The following CPSF6 variants were observed in gnomAD, a reference collection of about 807,000 sequenced individuals.
CPSF6 encodes cleavage and polyadenylation specific factor 6, also known as cleavage and polyadenylation specificity factor subunit 6.
Under a neutral mutation model 56.7 loss-of-function variants are expected in CPSF6, and 10 were observed. The observed-to-expected ratio is 0.18, with a 90% CI of 0.11 to 0.30. The LOEUF (loss-of-function observed/expected upper bound fraction) is 0.30, where lower values mean the gene tolerates loss of function less well. Among genes scored for constraint, CPSF6 ranks in the 10% least tolerant of loss-of-function variants. The pLI, the probability that CPSF6 is intolerant of heterozygous loss-of-function variation, is 1.00. For missense variants in CPSF6, 419 were observed against 722.9 expected (o/e 0.58, Z 4.82); for synonymous variants, 248 against 244.8 (o/e 1.01, Z -0.12).
In CPSF6 at chr12:69,258,567, T is replaced by C. The variant is rs781538033; in HGVS notation, c.695-23T>C. The C allele has an allele frequency of 6.5e-7, 1 of 1,528,498 alleles. No homozygotes were observed. 94.7% of individuals were successfully genotyped at this position (1,528,498 alleles called of 1,614,324 possible). ...CTTATTAGTGAAGTGTTTTTTTTTC[T>C]CTCTTTCTCCTTTGTTTTTTAGCTG... On this transcript the variant is annotated intron_variant, in intron 5 of 9. Coordinates refer to ENST00000435070, the MANE Select transcript of CPSF6 (RefSeq NM_007007.3). This position sits in a 1 kb window ranked among gnomAD's most constrained non-coding sequence, Gnocchi z 4.2.
chr12:69,255,235 G>A (rs1009945292), intron 3 of CPSF6: 2 of 152,208 alleles, frequency 1.3e-5, no homozygotes, highest in Non-Finnish European at 1.5e-5. Flanking sequence ...TTATGGCTGA[G>A]TAATATTCCA....
At chr12:69,249,461 C>G (rs1872118976) in intron 1 of CPSF6, among the ~76,000 whole-genome samples, 1 of 151,668 alleles carries the variant, frequency 6.6e-6, no homozygotes. Context: ...GCTAATAGTC[C>G]CTAAAACCAT....
At chr12:69,242,106 C>G (rs1871653651) in intron 1 of CPSF6, among the ~76,000 whole-genome samples, 1 of 151,982 alleles carries the variant, frequency 6.6e-6, no homozygotes, top group Non-Finnish European at 1.5e-5. Flanking sequence ...CTACTAGTTG[C>G]TATAGTAGAC....
rs1031274056 is a variant in CPSF6, at chr12:69,258,522, G to A, written c.695-68G>A. ...TCTATGCGTTTAAAGTATAATCTTGGCATATAAAAGTTAAAATATCTTATT... is the reference window on the plus strand; with the variant it reads ...TCTATGCGTTTAAAGTATAATCTTGACATATAAAAGTTAAAATATCTTATT... On this transcript the variant is annotated intron_variant, in intron 5 of 9. Transcript: ENST00000435070. This position sits in a 1 kb window ranked among gnomAD's most constrained non-coding sequence, Gnocchi z 4.2. The A allele has an allele frequency of 6.8e-6, 10 of 1,466,756 alleles. No homozygotes were observed. The highest frequency in any genetic ancestry group is 4.3e-5 in the African/African-American group (3 of 70,158). 90.9% of individuals were successfully genotyped at this position (1,466,756 alleles called of 1,614,324 possible).
At chr12:69,265,767 T>G (rs1437367050) in intron 9 of CPSF6, among the ~76,000 whole-genome samples, 1 of 151,968 alleles carries the variant, frequency 6.6e-6, no homozygotes, top group Non-Finnish European at 1.5e-5. Context: ...CACGCCCGGC[T>G]AATTTTGTAG....
At chr12:69,259,292 A>G (rs145316906) in intron 6 of CPSF6, 136 bp from the exon 7 acceptor site, 2 of 1,277,180 alleles carry the variant, frequency 1.6e-6, no homozygotes, top group African/African-American at 1.5e-5. Flanking sequence ...GAAAAGTAGC[A>G]TGCTTCAATA....
At chr12:69,255,158 T>C (rs577098347) in intron 3 of CPSF6, 1 of 152,382 alleles carries the variant, frequency 6.6e-6, no homozygotes, top group African/African-American at 2.4e-5. Context: ...CCTATGTGAC[T>C]GGCTTTTTTC....
At position 69,256,702 on chromosome 12, in the gene CPSF6, C is replaced by T; in HGVS notation, c.380C>T (p.Ala127Val). The T allele has an allele frequency of 1.2e-6, 2 of 1,609,436 alleles. No homozygotes were observed. Among genetic ancestry groups the T allele is most frequent in the East Asian group, 2.2e-5 (1 of 44,802 alleles). The change falls in exon 4 of 10, where the codon GCC becomes GTC. Residue 127 changes from alanine to valine, a missense_variant. Transcript: ENST00000435070. The part of the protein sequence containing the change: ...NRANGQSKGF[A>V]LVGVGSEASS... ...ACCCCTTAAACACTTTTTAGGTTTG[C>T]CCTTGTTGGTGTTGGATCTGAAGCA...
intron 1 of CPSF6, among the ~76,000 whole-genome samples, chr12:69,243,963 A>C (rs1871755563): frequency 6.6e-6 from 1 of 152,142 alleles, no homozygotes; most frequent in African/African-American, 2.4e-5. Flanking sequence ...TCTCCAGAGC[A>C]GCTGAGACTA....
rs148531322 is a variant in CPSF6, at chr12:69,261,840, A to G, written c.1470-533A>G. On this transcript the variant is annotated intron_variant, in intron 8 of 9. Coordinates refer to ENST00000435070, the MANE Select transcript of CPSF6 (RefSeq NM_007007.3). Reference sequence around the variant, plus strand: ...ACTATATCTATTCTTGCTACTGGTCATAATTGTTAGCCCTCTCCCATGCCT... The same window carrying G: ...ACTATATCTATTCTTGCTACTGGTCGTAATTGTTAGCCCTCTCCCATGCCT... Among the ~76,000 whole-genome samples the G allele has an allele frequency of 1.4e-3, 216 of 152,314 alleles. 2 individuals carry two copies. Among genetic ancestry groups the G allele is most frequent in the African/African-American group, 4.9e-3 (202 of 41,566 alleles).
Position 69,258,319 on chromosome 12 carries a change from C to T in CPSF6, c.695-271C>T, listed in dbSNP as rs142405551. ...TTTCACTGTAAGAAGTGTGTGTACA[C>T]GGAAAGATGGAAAATATCTCTAGGC... is the stretch of plus-strand genomic sequence containing the variant. On this transcript the variant is annotated intron_variant, in intron 5 of 9. Coordinates refer to ENST00000435070, the MANE Select transcript of CPSF6 (RefSeq NM_007007.3). This position sits in a 1 kb window ranked among gnomAD's most constrained non-coding sequence, Gnocchi z 4.2. 3.4e-5 allele frequency: 20 copies of T among 586,542 alleles called. No individual in the cohort carries two copies. Among genetic ancestry groups the T allele is most frequent in the East Asian group, 5.7e-5 (2 of 34,880 alleles). 36.3% of individuals were successfully genotyped at this position (586,542 alleles called of 1,614,324 possible). A position where few individuals can be genotyped will look rare whatever the true frequency, so the allele number is the denominator to read the frequency against.
At position 69,259,540 on chromosome 12, in the gene CPSF6, G is replaced by A; in HGVS notation, c.1312G>A (p.Ala438Thr). ...AISRAVSDAS[A>T]GDYGSAIETL... ...TTCGAGAGCTGTGTCTGATGCCAGT[G>A]CTGGTTTGTGTATTTCTTGTATTAA... Residue 438 changes from alanine to threonine, a missense_variant, in exon 7 of 10, where the codon GCT becomes ACT. By Grantham distance (58) the Ala-to-Thr change is moderately conservative. Coordinates refer to ENST00000435070, the MANE Select transcript of CPSF6 (RefSeq NM_007007.3). 6.2e-7 allele frequency: 1 copy of A among 1,607,094 alleles called. No homozygotes were observed. Among genetic ancestry groups the A allele is most frequent in the Non-Finnish European group, 8.5e-7 (1 of 1,177,566 alleles).
At chr12:69,256,582 CT>C in intron 3 of CPSF6, 114 bp from the exon 4 acceptor site, 1 of 1,033,422 alleles carries the variant, frequency 9.7e-7, no homozygotes, top group Non-Finnish European at 1.4e-6. Flanking sequence ...GCATGAGCCA[CT>C]GTGCCCAGCT....
At chr12:69,249,434 A>AT (rs1872117700) in intron 1 of CPSF6, among the ~76,000 whole-genome samples, 1 of 149,328 alleles carries the variant, frequency 6.7e-6, no homozygotes, top group African/African-American at 2.5e-5. Flanking sequence ...CATTCTATCC[A>AT]TTTAGGGACT....
At chr12:69,250,864 C>G (rs1228189280) in intron 1 of CPSF6, among the ~76,000 whole-genome samples, 3 of 152,030 alleles carry the variant, frequency 2.0e-5, no homozygotes, top group Non-Finnish European at 2.9e-5. Flanking sequence ...CTAGGCTGGT[C>G]TCGAACTCCT....
At chr12:69,239,997 G>A (rs1358666882) in intron 1 of CPSF6, among the ~76,000 whole-genome samples, 1 of 151,154 alleles carries the variant, frequency 6.6e-6, no homozygotes, top group Non-Finnish European at 1.5e-5. Flanking sequence ...CCCTATTGTT[G>A]GCGGCACCCG....
rs112982797 is a variant in CPSF6, at chr12:69,257,397, C to T, written c.521-335C>T. Among the ~76,000 whole-genome samples the T allele has an allele frequency of 5.6e-3, 845 of 152,232 alleles. 11 individuals are homozygous for T. Among genetic ancestry groups the T allele is most frequent in the African/African-American group, 0.019 (796 of 41,526 alleles). ...TAATGTTTTAGCACTTAAGACTTAA[C>T]TGAAGAAGTGTGTTACAAAATTTAA... On this transcript the variant is annotated intron_variant, in intron 4 of 9. Transcript: ENST00000435070.
chr12:69,256,691 T>C lies in CPSF6; in HGVS notation c.375-6T>C. 6.2e-7 allele frequency: 1 copy of C among 1,607,676 alleles called. No homozygotes were observed. Among genetic ancestry groups the C allele is most frequent in the South Asian group, 1.1e-5 (1 of 89,806 alleles). ...TTTGTATCCTCACCCCTTAAACACTTTTTAGGTTTGCCCTTGTTGGTGTTG... is the reference window on the plus strand; with the variant it reads ...TTTGTATCCTCACCCCTTAAACACTCTTTAGGTTTGCCCTTGTTGGTGTTG... On this transcript the variant is annotated splice_polypyrimidine_tract_variant and splice_region_variant and intron_variant, in intron 3 of 9. Transcript: ENST00000435070.
chr12:69,241,874 G>C (rs1871639506), intron 1 of CPSF6, among the ~76,000 whole-genome samples: 1 of 150,444 alleles, frequency 6.6e-6, no homozygotes, highest in Admixed American at 6.6e-5. Context: ...ATGATTGATT[G>C]ATTTGTATAT....
Sources: gnomAD v4.1 joint callset for allele counts (sites outside exome capture counted in the v4.1 genomes callset) on GRCh38, gnomAD v4.1.1 for gene constraint, Gnocchi (gnomAD v3.1) non-coding constraint, MANE v1.5 for transcripts, NCBI Gene and HGNC (gene_info 2026-07-23, HGNC 2026-07-21) for gene names.